PPME1: variants seen among roughly 807,000 people sequenced by gnomAD.
PPME1 encodes the protein testicular secretory protein Li 39.
In PPME1, 17 loss-of-function variants were observed where a neutral mutation model predicts 56.9. The ratio of observed to expected loss-of-function variants is 0.30; its 90% CI spans 0.20 to 0.45. The LOEUF (loss-of-function observed/expected upper bound fraction) is 0.45, where lower values mean the gene tolerates loss of function less well. Ranked by LOEUF, PPME1 falls within the 20% of genes least tolerant of loss-of-function variation. The pLI is 1.00. For missense variants in PPME1, 357 were observed against 483.2 expected, an observed-to-expected ratio of 0.74 and a Z score of 2.45; for synonymous variants, 122 against 156.2, an observed-to-expected ratio of 0.78 and a Z score of 1.63.
intron 5 of PPME1, among the ~76,000 whole-genome samples, chr11:74,226,592 G>A (rs1858937763): frequency 6.6e-6 from 1 of 152,080 alleles, no homozygotes; most frequent in Admixed American, 6.6e-5. Flanking sequence ...GGAAGTAAAG[G>A]GTTTCTTAAC....
intron 3 of PPME1, among the ~76,000 whole-genome samples, chr11:74,219,267 C>A (rs188325703): frequency 1.3e-5 from 2 of 151,450 alleles, no homozygotes; most frequent in African/African-American, 4.8e-5. Flanking sequence ...GGAAAGGGAA[C>A]CTTCATACAC....
intron 1 of PPME1, among the ~76,000 whole-genome samples, chr11:74,188,854 A>T (rs571554832): frequency 3.9e-5 from 6 of 152,220 alleles, no homozygotes; most frequent in African/African-American, 1.4e-4. Flanking sequence ...TTAATACACC[A>T]TTAAGGTAAT....
At chr11:74,243,783 C>CTTTT (rs555052806) in intron 9 of PPME1, among the ~76,000 whole-genome samples, 12 of 139,974 alleles carry the variant, frequency 8.6e-5, no homozygotes, top group African/African-American at 2.3e-4. Flanking sequence ...TTCTTTCTTT[C>CTTTT]TTTTTTTTTT....
At chr11:74,246,535 T>C (rs1218948055) in intron 10 of PPME1, among the ~76,000 whole-genome samples, 3 of 152,150 alleles carry the variant, frequency 2.0e-5, no homozygotes, top group African/African-American at 4.8e-5. Flanking sequence ...CCAAATACAG[T>C]CACATTGGGA....
chr11:74,242,081 C>T (rs1859375051), intron 9 of PPME1, among the ~76,000 whole-genome samples: 1 of 152,228 alleles, frequency 6.6e-6, no homozygotes, highest in South Asian at 2.1e-4. Flanking sequence ...ATGTTTTCTT[C>T]TAAGAATTTT....
chr11:74,185,214 G>A (rs937023677), intron 1 of PPME1, among the ~76,000 whole-genome samples: 3 of 151,796 alleles, frequency 2.0e-5, no homozygotes, highest in African/African-American at 7.3e-5. Context: ...TGGTCAGGCT[G>A]GTCTCGAACT....
intron 5 of PPME1, among the ~76,000 whole-genome samples, chr11:74,226,575 T>G (rs1453784542): frequency 6.6e-6 from 1 of 152,190 alleles, no homozygotes; most frequent in Non-Finnish European, 1.5e-5. Context: ...TTGTGAATGA[T>G]TTTTAAGGAA....
chr11:74,208,399 C>G (rs563769846), intron 3 of PPME1, among the ~76,000 whole-genome samples: 1 of 151,952 alleles, frequency 6.6e-6, no homozygotes, highest in Non-Finnish European at 1.5e-5. Flanking sequence ...TACCAGGCAT[C>G]GTACAGGTGC....
chr11:74,246,559 C>G (rs909720659), intron 10 of PPME1, among the ~76,000 whole-genome samples: 2 of 152,162 alleles, frequency 1.3e-5, no homozygotes, highest in African/African-American at 4.8e-5. Context: ...GGGGCTTCAA[C>G]ATGAGTTTTA....
At chr11:74,252,534 G>C in intron 13 of PPME1, 4 of 455,500 alleles carry the variant, frequency 8.8e-6, no homozygotes, top group Non-Finnish European at 1.8e-5. Flanking sequence ...CCACTCTGCA[G>C]GGGTGATCCT....
chr11:74,221,425 A>G (rs1858797687), intron 3 of PPME1, among the ~76,000 whole-genome samples: 1 of 152,136 alleles, frequency 6.6e-6, no homozygotes, highest in Admixed American at 6.6e-5. Flanking sequence ...TTGATTTTCT[A>G]GGGGATTTTA....
intron 1 of PPME1, among the ~76,000 whole-genome samples, chr11:74,200,355 TTTTGTGTG>T (rs1316647922): frequency 3.4e-4 from 41 of 120,062 alleles, no homozygotes; most frequent in African/African-American, 1.3e-3. Context: ...CAGTCATGTG[TTTTGTGTG>T]TGTGTGTGTG....
Position 74,252,644 on chromosome 11 carries a change from G to A in PPME1, c.1143-848G>A, listed in dbSNP as rs1591075482. Reference sequence around the variant, plus strand: ...TGTCCTGTGCATTGTAGGATGCTTAGCAGTATCCCTGGCTTTTACCCACCT... The same window carrying A: ...TGTCCTGTGCATTGTAGGATGCTTAACAGTATCCCTGGCTTTTACCCACCT... On this transcript the variant is annotated intron_variant, in intron 13 of 13. Transcript: ENST00000328257. The A allele has an allele frequency of 7.3e-6, 3 of 410,200 alleles. No individual in the cohort carries two copies. The East Asian group carries it at 2.2e-4, about 30-fold the overall frequency. 25.4% of individuals were successfully genotyped at this position (410,200 alleles called of 1,614,324 possible).
chr11:74,243,042 G>C (rs1415921111), intron 9 of PPME1, among the ~76,000 whole-genome samples: 3 of 152,156 alleles, frequency 2.0e-5, no homozygotes, highest in Non-Finnish European at 4.4e-5. Flanking sequence ...AACAATGGGA[G>C]ATAATGCAAG....
At chr11:74,202,914 A>G (rs919496318) in intron 1 of PPME1, among the ~76,000 whole-genome samples, 1 of 152,114 alleles carries the variant, frequency 6.6e-6, no homozygotes, top group Non-Finnish European at 1.5e-5. Flanking sequence ...GTATTTCACA[A>G]TTTTACCCAA....
intron 13 of PPME1, 115 bp downstream of exon 13, chr11:74,251,830 C>T (rs370436704): frequency 2.4e-6 from 3 of 1,265,660 alleles, no homozygotes; most frequent in Non-Finnish European, 3.5e-6. Flanking sequence ...GTCACCATGC[C>T]TTTCTTCCTC....
intron 7 of PPME1, among the ~76,000 whole-genome samples, chr11:74,232,117 CGCTT>C (rs1453670065): frequency 1.3e-5 from 2 of 152,108 alleles, no homozygotes; most frequent in Non-Finnish European, 2.9e-5. Context: ...ACCCAGATGA[CGCTT>C]TCAGCAAAAT....
At chr11:74,246,226 A>G in intron 10 of PPME1, 21 bp downstream of exon 10, 1 of 1,539,220 alleles carries the variant, frequency 6.5e-7, no homozygotes, top group Non-Finnish European at 8.8e-7. Flanking sequence ...ATGTGCATAT[A>G]TTAGTCAGCT....
At chr11:74,182,100 C>T (rs1857555239) in intron 1 of PPME1, among the ~76,000 whole-genome samples, 1 of 152,166 alleles carries the variant, frequency 6.6e-6, no homozygotes, top group Non-Finnish European at 1.5e-5. Flanking sequence ...CTTCTACTGT[C>T]TTGTAGTAGA....
Sources: gnomAD v4.1 joint callset for allele counts (sites outside exome capture counted in the v4.1 genomes callset) on GRCh38, gnomAD v4.1.1 for gene constraint, MANE v1.5 for transcripts, NCBI Gene and HGNC (gene_info 2026-07-23, HGNC 2026-07-21) for gene names.